CCDC192: variants seen among roughly 807,000 people sequenced by gnomAD.
The protein encoded by CCDC192 is coiled-coil domain containing 192.
At chr5:127,711,707 A>G (rs1317950669) in intron 2 of CCDC192, among the ~76,000 whole-genome samples, 1 of 152,186 alleles carries the variant, frequency 6.6e-6, no homozygotes, top group Non-Finnish European at 1.5e-5. Context: ...TAAATAAGTG[A>G]TTTAAAGGAG....
Position 127,882,796 on chromosome 5 carries a change from C to T in CCDC192, c.535+7135C>T, listed in dbSNP as rs528196049. ...CATGTTAATATTTATTGGAATAAGA[C>T]TAGGCGTGAATAGTTGTCCACTTGG... On this transcript the variant is annotated intron_variant, in intron 6 of 6. Transcript: ENST00000514853. Among the ~76,000 whole-genome samples the T allele has an allele frequency of 1.2e-4, 18 of 152,278 alleles. 1 individual carries two copies. In the South Asian group the frequency reaches 3.3e-3, roughly 28 times the overall value.
chr5:127,848,688 C>T (rs750078858), intron 5 of CCDC192, among the ~76,000 whole-genome samples: 6 of 152,152 alleles, frequency 3.9e-5, no homozygotes, highest in Non-Finnish European at 8.8e-5. Flanking sequence ...AAATTCTTAT[C>T]GTGTTCTTAT....
intron 2 of CCDC192, among the ~76,000 whole-genome samples, chr5:127,721,008 T>C (rs1041893453): frequency 2.0e-5 from 3 of 152,346 alleles, no homozygotes; most frequent in African/African-American, 7.2e-5. Flanking sequence ...GACATGAAGT[T>C]CTCTGAAATG....
chr5:127,898,130 C>T (rs1313534948), intron 6 of CCDC192, among the ~76,000 whole-genome samples: 1 of 149,754 alleles, frequency 6.7e-6, no homozygotes, highest in African/African-American at 2.5e-5. Flanking sequence ...TTTTTTGAGA[C>T]GGAGTTTTAC....
At chr5:127,934,415 C>A (rs1013551689) in intron 6 of CCDC192, among the ~76,000 whole-genome samples, 1 of 152,098 alleles carries the variant, frequency 6.6e-6, no homozygotes, top group East Asian at 1.9e-4. Context: ...CTTTGCCAAC[C>A]AATTGTATTC....
intron 3 of CCDC192, among the ~76,000 whole-genome samples, chr5:127,790,410 T>C (rs1756800445): frequency 6.6e-6 from 1 of 152,214 alleles, no homozygotes; most frequent in Admixed American, 6.5e-5. Flanking sequence ...AATGATCAAA[T>C]CAGGGTAATC....
At chr5:127,837,579 A>ATTTTT (rs1750080166) in intron 5 of CCDC192, among the ~76,000 whole-genome samples, 2 of 18,128 alleles carry the variant, frequency 1.1e-4, no homozygotes, top group Non-Finnish European at 1.6e-4. Context: ...TAACCATATC[A>ATTTTT]GAATGTAAAC....
At chr5:127,771,332 T>G (rs1755541393) in intron 3 of CCDC192, among the ~76,000 whole-genome samples, 1 of 152,238 alleles carries the variant, frequency 6.6e-6, no homozygotes, top group Non-Finnish European at 1.5e-5. Context: ...TTCTGACTCC[T>G]TACTTATATA....
chr5:127,729,700 C>A (rs144642296), intron 2 of CCDC192, among the ~76,000 whole-genome samples: 1 of 152,088 alleles, frequency 6.6e-6, no homozygotes, highest in African/African-American at 2.4e-5. Flanking sequence ...CAAATTAGAA[C>A]TCAAGATTAG....
chr5:127,774,929 T>C (rs1396684442), intron 3 of CCDC192, among the ~76,000 whole-genome samples: 1 of 152,240 alleles, frequency 6.6e-6, no homozygotes, highest in Non-Finnish European at 1.5e-5. Context: ...TTAATTTCTT[T>C]CTATAACATT....
chr5:127,864,372 C>G (rs72792206), intron 5 of CCDC192, among the ~76,000 whole-genome samples: 1 of 152,118 alleles, frequency 6.6e-6, no homozygotes, highest in East Asian at 1.9e-4. Flanking sequence ...ACCTGCTATC[C>G]GTGCATATCT....
intron 5 of CCDC192, among the ~76,000 whole-genome samples, chr5:127,846,386 C>T (rs1750538219): frequency 6.6e-6 from 1 of 151,982 alleles, no homozygotes; most frequent in Non-Finnish European, 1.5e-5. Context: ...TAAAACTGGA[C>T]TTATTTTGCA....
chr5:127,797,760 TA>T (rs55809549), intron 4 of CCDC192, among the ~76,000 whole-genome samples: 5,813 of 25,394 alleles, frequency 0.23, 392 homozygotes, highest in East Asian at 0.49. Flanking sequence ...TATATATATA[TA>T]TATATATATA....
intron 6 of CCDC192, among the ~76,000 whole-genome samples, chr5:127,888,436 C>G (rs994560669): frequency 7.9e-5 from 12 of 151,716 alleles, no homozygotes; most frequent in African/African-American, 2.9e-4. Flanking sequence ...AAAAAAAAGT[C>G]AGGACATCTC....
intron 1 of CCDC192, among the ~76,000 whole-genome samples, chr5:127,706,215 A>C (rs1462767491): frequency 6.6e-6 from 1 of 152,226 alleles, no homozygotes; most frequent in East Asian, 1.9e-4. Context: ...AAATAATAAA[A>C]GTACCTTGGG....
At chr5:127,708,777 G>A (rs1010241573) in intron 2 of CCDC192, among the ~76,000 whole-genome samples, 15 of 152,082 alleles carry the variant, frequency 9.9e-5, no homozygotes, top group Admixed American at 5.2e-4. Flanking sequence ...ATGGTTATTC[G>A]GAATTGATAG....
chr5:127,927,454 A>T lies in CCDC192; in HGVS notation c.536-13728A>T, dbSNP rs182007587. On this transcript the variant is annotated intron_variant, in intron 6 of 6. Coordinates refer to ENST00000514853, the MANE Select transcript of CCDC192 (RefSeq NM_001317938.2). ...TTGGAACTATCCCCCGAGAATGAGTAGGGACTACTGTAGAGGAAAGAGGGT... is the reference window on the plus strand; with the variant it reads ...TTGGAACTATCCCCCGAGAATGAGTTGGGACTACTGTAGAGGAAAGAGGGT... Among the ~76,000 whole-genome samples the T allele has an allele frequency of 7.2e-5, 11 of 152,248 alleles. No homozygotes were observed. In the East Asian group the frequency reaches 2.1e-3, roughly 29 times the overall value.
intron 2 of CCDC192, among the ~76,000 whole-genome samples, chr5:127,710,528 G>A (rs1163468421): frequency 6.6e-6 from 1 of 151,992 alleles, no homozygotes; most frequent in Non-Finnish European, 1.5e-5. Context: ...TTGGTAAACT[G>A]TGCATTCCTA....
chr5:127,906,667 T>C (rs1247153348), intron 6 of CCDC192, among the ~76,000 whole-genome samples: 5 of 152,058 alleles, frequency 3.3e-5, no homozygotes, highest in South Asian at 2.1e-4. Context: ...ATGTCTGTGG[T>C]CCCAGCTACT....
Sources: allele counts gnomAD v4.1 joint callset (sites outside exome capture counted in the v4.1 genomes callset), GRCh38; gene constraint gnomAD v4.1.1; transcripts MANE v1.5; gene names NCBI Gene and HGNC (gene_info 2026-07-23, HGNC 2026-07-21).